Variants in IL10RB observed in about 807,000 individuals in gnomAD.
IL10RB encodes the protein interleukin-10 receptor subunit beta.
IL10RB carries 30 observed loss-of-function variants against 38.7 expected under a neutral mutation model. The ratio of observed to expected loss-of-function variants is 0.78; its 90% confidence interval spans 0.58 to 1.05. The LOEUF (loss-of-function observed/expected upper bound fraction) is 1.05, where lower values mean the gene tolerates loss of function less well. IL10RB is among the 50% of genes least tolerant of loss of function. The pLI is 0.00. For missense variants in IL10RB, 328 were observed against 397.1 expected (o/e 0.83, Z 1.48); for synonymous variants, 142 against 145.9 (o/e 0.97, Z 0.19).
At chr21:33,282,966 G>T in intron 4 of IL10RB, 128 bp from the exon 5 acceptor site, 3 of 776,036 alleles carry the variant, frequency 3.9e-6, no homozygotes, top group Middle Eastern at 6.4e-4. Context: ...GAACTGAGAG[G>T]AGCACCTGCT....
intron 1 of IL10RB, chr21:33,268,117 T>G (rs1400161799): frequency 6.2e-6 from 5 of 807,616 alleles, no homozygotes; most frequent in African/African-American, 3.5e-5. Flanking sequence ...GAAATCCATG[T>G]GCCCACCCTA....
At chr21:33,271,976 G>A (rs909127715) in intron 2 of IL10RB, among the ~76,000 whole-genome samples, 4 of 151,696 alleles carry the variant, frequency 2.6e-5, no homozygotes, top group Admixed American at 6.6e-5. Flanking sequence ...GAAGGAAGGC[G>A]GAAGGGAAGA....
chr21:33,279,323 A>C (rs1371703344), intron 3 of IL10RB, among the ~76,000 whole-genome samples: 1 of 152,248 alleles, frequency 6.6e-6, no homozygotes, highest in Non-Finnish European at 1.5e-5. Context: ...TATGTTAAAC[A>C]TGTAAAGGTG....
chr21:33,290,531 C>A (rs1025574698), intron 6 of IL10RB, among the ~76,000 whole-genome samples: 3 of 152,190 alleles, frequency 2.0e-5, no homozygotes, highest in Non-Finnish European at 4.4e-5. Flanking sequence ...CCCAGTAGGT[C>A]ACTGGGCATG....
chr21:33,280,667 G>C (rs1989263877), intron 4 of IL10RB, among the ~76,000 whole-genome samples: 1 of 152,058 alleles, frequency 6.6e-6, no homozygotes, highest in Non-Finnish European at 1.5e-5. Flanking sequence ...TAATGCTTCT[G>C]AGCTGAATGC....
At chr21:33,298,727 A>G (rs974301297), downstream of IL10RB, among the ~76,000 whole-genome samples, 1 of 152,228 alleles carries the variant, frequency 6.6e-6, no homozygotes, top group African/African-American at 2.4e-5. Flanking sequence ...AGTACAGAGA[A>G]ACAAAAGAAT....
intron 1 of IL10RB, chr21:33,267,885 G>A (rs1470381217): frequency 4.9e-6 from 1 of 204,770 alleles, no homozygotes; most frequent in African/African-American, 2.3e-5. Flanking sequence ...TTCTTGGTGT[G>A]ACCTCTGGGC....
At chr21:33,270,822 A>G (rs1989065588) in intron 2 of IL10RB, among the ~76,000 whole-genome samples, 2 of 152,022 alleles carry the variant, frequency 1.3e-5, no homozygotes, top group African/African-American at 4.8e-5. Context: ...CTACAAGCAC[A>G]TGCCACCGTG....
intron 6 of IL10RB, among the ~76,000 whole-genome samples, chr21:33,291,437 TG>T (rs1479262307): frequency 2.6e-5 from 4 of 152,128 alleles, no homozygotes; most frequent in Non-Finnish European, 2.9e-5. Context: ...GGCTAATTTT[TG>T]TGTTTTTAGT....
At chr21:33,274,808 A>C (rs1255497921) in intron 2 of IL10RB, among the ~76,000 whole-genome samples, 1 of 152,234 alleles carries the variant, frequency 6.6e-6, no homozygotes, top group Non-Finnish European at 1.5e-5. Context: ...TCTGATTTTC[A>C]AAATGGTAAT....
chr21:33,282,883 T>G (rs891005984), intron 4 of IL10RB, among the ~76,000 whole-genome samples: 3 of 152,268 alleles, frequency 2.0e-5, no homozygotes. Flanking sequence ...AGCTGGAGAA[T>G]TCAGGAACCA....
At chr21:33,286,511 G>A (rs991893329) in intron 5 of IL10RB, among the ~76,000 whole-genome samples, 1 of 152,122 alleles carries the variant, frequency 6.6e-6, no homozygotes, top group African/African-American at 2.4e-5. Context: ...AAGCAAAGCA[G>A]GACGCTAATT....
chr21:33,300,941 C>G (rs1051125206), downstream of IL10RB, among the ~76,000 whole-genome samples: 1 of 152,184 alleles, frequency 6.6e-6, no homozygotes, highest in African/African-American at 2.4e-5. Flanking sequence ...TTACTTCTGC[C>G]GCAGGAAACT....
chr21:33,270,311 C>A (rs1356754297), intron 2 of IL10RB, among the ~76,000 whole-genome samples: 1 of 151,122 alleles, frequency 6.6e-6, no homozygotes, highest in Non-Finnish European at 1.5e-5. Flanking sequence ...AATTAAATTT[C>A]TTCTCTGTCT....
intron 2 of IL10RB, among the ~76,000 whole-genome samples, chr21:33,269,228 T>C (rs1221805164): frequency 6.6e-6 from 1 of 152,234 alleles, no homozygotes; most frequent in Admixed American, 6.5e-5. Flanking sequence ...TGCCTGTCAG[T>C]GTTTCCCTAC....
At chr21:33,290,555 G>C (rs1989465740) in intron 6 of IL10RB, among the ~76,000 whole-genome samples, 1 of 152,180 alleles carries the variant, frequency 6.6e-6, no homozygotes, top group African/African-American at 2.4e-5. Flanking sequence ...AGGGTGAACA[G>C]GGCCACTCCT....
At chr21:33,303,379 G>C (rs1418622479) in intron 1 of IL10RB, among the ~76,000 whole-genome samples, 9 of 128,070 alleles carry the variant, frequency 7.0e-5, no homozygotes, top group Non-Finnish European at 1.4e-4. Context: ...TTTTGAGACA[G>C]AGTCTTGCTC....
intron 6 of IL10RB, among the ~76,000 whole-genome samples, chr21:33,290,572 C>T (rs1329307438): frequency 1.3e-5 from 2 of 152,180 alleles, no homozygotes; most frequent in African/African-American, 4.8e-5. Context: ...TCCTGCCCTG[C>T]GCTTGCTTCC....
At chr21:33,283,679 C>T (rs45491894) in intron 5 of IL10RB, among the ~76,000 whole-genome samples, 39 of 152,334 alleles carry the variant, frequency 2.6e-4, no homozygotes, top group African/African-American at 6.3e-4. Context: ...AATCTGACCA[C>T]GGTCCTCAGC....
Sources: gnomAD v4.1 joint callset for allele counts (sites outside exome capture counted in the v4.1 genomes callset) on GRCh38, gnomAD v4.1.1 for gene constraint, MANE v1.5 for transcripts, NCBI Gene and HGNC (gene_info 2026-07-23, HGNC 2026-07-21) for gene names.